The following GTF2IRD2B variants were observed in gnomAD, a reference collection of about 807,000 sequenced individuals.
The protein encoded by GTF2IRD2B is general transcription factor II-I repeat domain-containing protein 2B.
In GTF2IRD2B, 10 loss-of-function variants were observed where a neutral mutation model predicts 55.6. The observed-to-expected ratio is 0.18, with a 90% CI of 0.11 to 0.31. The LOEUF (loss-of-function observed/expected upper bound fraction) is 0.31, where lower values mean the gene tolerates loss of function less well. Ranked by LOEUF, GTF2IRD2B falls within the 10% of genes least tolerant of loss-of-function variation. GTF2IRD2B has a pLI of 1.00. For synonymous variants in GTF2IRD2B, 107 were observed against 320.5 expected (o/e 0.33, Z 7.12); for missense variants, 206 against 802.7 (o/e 0.26, Z 8.98).
At chr7:75,101,590 A>C (rs1807559837) in intron 1 of GTF2IRD2B, among the ~76,000 whole-genome samples, 1 of 150,942 alleles carries the variant, frequency 6.6e-6, no homozygotes, top group Non-Finnish European at 1.5e-5. Context: ...CAGAAAAAAT[A>C]AATAAAAATT....
intron 4 of GTF2IRD2B, 120 bp from the exon 5 acceptor site, chr7:75,123,016 C>T (rs1808430264): frequency 6.5e-7 from 1 of 1,530,106 alleles, no homozygotes; most frequent in East Asian, 2.3e-5. Flanking sequence ...TGCCATTGCA[C>T]TCCAGCCGGG....
chr7:75,145,615 C>T (rs1421572727), intron 15 of GTF2IRD2B, among the ~76,000 whole-genome samples: 1 of 147,230 alleles, frequency 6.8e-6, no homozygotes, highest in East Asian at 2.0e-4. Flanking sequence ...TGCCTATAAT[C>T]CCAGCTACTC....
chr7:75,092,708 C>T lies in GTF2IRD2B; in HGVS notation c.-63C>T, dbSNP rs1201127928. ...CCGCCGCCCTCGGCCATCGGCTGCT[C>T]CCCGGTGGCCCAGGCCTCGGACTCC... On this transcript the variant is annotated 5_prime_UTR_variant, in exon 1 of 16. Coordinates refer to ENST00000472837, the MANE Select transcript of GTF2IRD2B (RefSeq NM_001003795.3). The T allele has an allele frequency of 9.1e-5, 14 of 153,298 alleles. No homozygotes were observed. Among genetic ancestry groups the T allele is most frequent in the African/African-American group, 2.9e-4 (12 of 41,586 alleles). 9.5% of individuals were successfully genotyped at this position (153,298 alleles called of 1,614,324 possible). A position where few individuals can be genotyped will look rare whatever the true frequency, so the allele number is the denominator to read the frequency against.
chr7:75,123,684 G>A (rs1248233093), intron 6 of GTF2IRD2B, 168 bp downstream of exon 6: 11 of 689,196 alleles, frequency 1.6e-5, no homozygotes, highest in Non-Finnish European at 2.9e-5. Context: ...GACCATCCTG[G>A]CTAACACGGT....
At chr7:75,127,537 G>A (rs368719719) in intron 8 of GTF2IRD2B, among the ~76,000 whole-genome samples, 26 of 148,038 alleles carry the variant, frequency 1.8e-4, no homozygotes, top group South Asian at 6.4e-4. Context: ...AGTACATAAT[G>A]GGGACTAAGA....
intron 3 of GTF2IRD2B, among the ~76,000 whole-genome samples, chr7:75,115,088 G>A (rs1282967070): frequency 8.4e-6 from 1 of 118,834 alleles, no homozygotes; most frequent in African/African-American, 3.2e-5. Context: ...GTGAGTCATC[G>A]TGCCCAGCTT....
intron 8 of GTF2IRD2B, among the ~76,000 whole-genome samples, chr7:75,126,939 G>A (rs1808529259): frequency 6.7e-6 from 1 of 149,316 alleles, no homozygotes; most frequent in South Asian, 2.1e-4. Flanking sequence ...GGAGGTTGCA[G>A]TGAGCCAAGA....
chr7:75,105,412 G>A (rs1374456997), intron 1 of GTF2IRD2B, among the ~76,000 whole-genome samples: 4 of 152,302 alleles, frequency 2.6e-5, no homozygotes, highest in Admixed American at 1.3e-4. Flanking sequence ...GTTGAGGCAG[G>A]AGAATCGCTC....
chr7:75,109,965 A>AACC, intron 2 of GTF2IRD2B, among the ~76,000 whole-genome samples: 1 of 52,608 alleles, frequency 1.9e-5, no homozygotes, highest in Non-Finnish European at 4.1e-5. Context: ...ACATGGTGAA[A>AACC]CCCCATTTCT....
At chr7:75,103,324 C>T (rs1322500797) in intron 1 of GTF2IRD2B, among the ~76,000 whole-genome samples, 1 of 151,420 alleles carries the variant, frequency 6.6e-6, no homozygotes, top group African/African-American at 2.4e-5. Context: ...GATTTAGTAT[C>T]TTCTTCAATA....
intron 8 of GTF2IRD2B, among the ~76,000 whole-genome samples, chr7:75,126,700 C>A (rs2115792451): frequency 1.4e-5 from 2 of 142,436 alleles, no homozygotes; most frequent in Admixed American, 1.4e-4. Context: ...GACCCTGTCT[C>A]AAAAAAACAA....
chr7:75,120,103 T>G (rs1262305015), intron 3 of GTF2IRD2B, among the ~76,000 whole-genome samples: 7 of 122,134 alleles, frequency 5.7e-5, no homozygotes, highest in Non-Finnish European at 9.9e-5. Context: ...CACTCCAGCC[T>G]GGGTGTCACA....
intron 15 of GTF2IRD2B, among the ~76,000 whole-genome samples, chr7:75,147,456 A>C (rs2115868159): frequency 1.3e-5 from 2 of 152,084 alleles, no homozygotes; most frequent in South Asian, 4.2e-4. Flanking sequence ...ACAAAAATTC[A>C]GTCTTCAGGT....
chr7:75,137,504 AAGTT>A (rs1238036178), intron 11 of GTF2IRD2B, among the ~76,000 whole-genome samples: 4 of 144,696 alleles, frequency 2.8e-5, no homozygotes, highest in African/African-American at 8.0e-5. Context: ...CATTAAGAAA[AAGTT>A]AGGCAAGGCA....
At chr7:75,106,124 C>T (rs1416483264) in intron 1 of GTF2IRD2B, among the ~76,000 whole-genome samples, 6 of 152,308 alleles carry the variant, frequency 3.9e-5, no homozygotes, top group Admixed American at 6.5e-5. Flanking sequence ...CAGTTTTGGT[C>T]GGGCTCAGTG....
intron 4 of GTF2IRD2B, among the ~76,000 whole-genome samples, chr7:75,122,378 T>G (rs1309358719): frequency 5.0e-5 from 6 of 120,994 alleles, no homozygotes; most frequent in Admixed American, 3.2e-4. Flanking sequence ...GGAGGATCAT[T>G]TGAGCCCAGG....
intron 3 of GTF2IRD2B, among the ~76,000 whole-genome samples, chr7:75,118,002 G>A (rs1263929928): frequency 1.4e-5 from 2 of 144,368 alleles, no homozygotes; most frequent in Admixed American, 7.2e-5. Flanking sequence ...AGAATCACTT[G>A]AACCCAGGAG....
At chr7:75,104,344 C>G (rs1807695487) in intron 1 of GTF2IRD2B, among the ~76,000 whole-genome samples, 1 of 152,242 alleles carries the variant, frequency 6.6e-6, no homozygotes, top group Non-Finnish European at 1.5e-5. Flanking sequence ...GTCTCGAACT[C>G]CTGACCTCAA....
At chr7:75,096,757 A>G (rs1180891622) in intron 1 of GTF2IRD2B, among the ~76,000 whole-genome samples, 6 of 150,826 alleles carry the variant, frequency 4.0e-5, no homozygotes, top group Non-Finnish European at 8.8e-5. Context: ...GCAGGTGATC[A>G]TTACATTTTT....
Sources: allele counts gnomAD v4.1 joint callset (sites outside exome capture counted in the v4.1 genomes callset), GRCh38; gene constraint gnomAD v4.1.1; transcripts MANE v1.5; gene names NCBI Gene and HGNC (gene_info 2026-07-23, HGNC 2026-07-21).